Variants in MAML2 observed in about 807,000 individuals in gnomAD.
MAML2 encodes mastermind like transcriptional coactivator 2, also known as mastermind-like protein 2.
MAML2 carries 22 observed loss-of-function variants against 96.1 expected under a neutral mutation model. The ratio of observed to expected loss-of-function variants is 0.23; its 90% CI spans 0.16 to 0.33. The LOEUF is 0.33. MAML2 is among the 10% of genes least tolerant of loss of function. MAML2 has a pLI of 1.00. For missense variants in MAML2, 1,367 were observed against 1,392.4 expected, an observed-to-expected ratio of 0.98 and a Z score of 0.29; for synonymous variants, 561 against 521.3, an observed-to-expected ratio of 1.08 and a Z score of -1.04.
intron 1 of MAML2, among the ~76,000 whole-genome samples, chr11:96,259,756 C>G (rs1862722232): frequency 6.6e-6 from 1 of 152,144 alleles, no homozygotes; most frequent in African/African-American, 2.4e-5. Context: ...GTCATAAAAC[C>G]AGTTTCCTGC....
rs192831424 is a variant in MAML2 at position 96,162,640 on chromosome 11, G to T, written c.514-69123C>A. Among the ~76,000 whole-genome samples the T allele has an allele frequency of 3.1e-3, 477 of 151,464 alleles. 1 individual carries two copies. The highest frequency in any genetic ancestry group is 5.1e-3 in the Non-Finnish European group (348 of 67,888). On this transcript the variant is annotated intron_variant, in intron 1 of 4. Transcript: ENST00000524717. ...GCAGGAGAATCGCTTGAACCCGAGA[G>T]GTGGAGGTTTCGGTGAGCCGAGATT...
chr11:96,121,320 T>C (rs925493445), intron 1 of MAML2, among the ~76,000 whole-genome samples: 2 of 152,192 alleles, frequency 1.3e-5, no homozygotes, highest in South Asian at 2.1e-4. Context: ...CACTGAGATA[T>C]AGACGTTCAA....
chr11:95,994,016 C>T (rs995287944), intron 2 of MAML2, among the ~76,000 whole-genome samples: 8 of 152,196 alleles, frequency 5.3e-5, no homozygotes, highest in Admixed American at 4.6e-4. Context: ...GAAGCCAGGT[C>T]TGTCTGACCC....
chr11:96,069,412 G>A (rs1384947520), intron 2 of MAML2, among the ~76,000 whole-genome samples: 2 of 151,814 alleles, frequency 1.3e-5, no homozygotes, highest in Non-Finnish European at 2.9e-5. Context: ...GGTGGCTCAC[G>A]CCTGTAATCC....
chr11:95,998,232 A>G (rs543185029), intron 2 of MAML2, among the ~76,000 whole-genome samples: 9 of 150,682 alleles, frequency 6.0e-5, no homozygotes, highest in Non-Finnish European at 1.2e-4. Flanking sequence ...TTACCTGTCC[A>G]TTCTAGTCCA....
chr11:96,085,985 A>G (rs1859604090), intron 2 of MAML2, among the ~76,000 whole-genome samples: 1 of 152,236 alleles, frequency 6.6e-6, no homozygotes, highest in Non-Finnish European at 1.5e-5. Context: ...AGGTTAAAAA[A>G]CATGTTTAAA....
intron 1 of MAML2, among the ~76,000 whole-genome samples, chr11:96,330,670 C>T (rs1156907801): frequency 6.6e-6 from 1 of 152,234 alleles, no homozygotes; most frequent in Non-Finnish European, 1.5e-5. Context: ...CCAAGATGGC[C>T]TCACTTGTGT....
chr11:96,162,393 T>C (rs1400172021), intron 1 of MAML2, among the ~76,000 whole-genome samples: 1 of 152,044 alleles, frequency 6.6e-6, no homozygotes, highest in Non-Finnish European at 1.5e-5. Context: ...CTCCCGGAAT[T>C]GTAGTAGGTT....
chr11:96,028,168 A>C (rs535924277), intron 2 of MAML2, among the ~76,000 whole-genome samples: 1 of 152,342 alleles, frequency 6.6e-6, no homozygotes, highest in East Asian at 1.9e-4. Flanking sequence ...GGTAAGTATT[A>C]GGTACTTCAG....
At chr11:96,280,603 G>A (rs1009321938) in intron 1 of MAML2, among the ~76,000 whole-genome samples, 1 of 152,150 alleles carries the variant, frequency 6.6e-6, no homozygotes, top group Admixed American at 6.5e-5. Context: ...GTGATAGATG[G>A]TCAAGTGGGT....
intron 2 of MAML2, among the ~76,000 whole-genome samples, chr11:96,068,424 T>C (rs1859277060): frequency 2.9e-5 from 3 of 102,736 alleles, no homozygotes; most frequent in Non-Finnish European, 6.6e-5. Flanking sequence ...TAGAATTTCC[T>C]GGGGGAGCTT....
chr11:96,076,426 TCTCTCTCACACACA>T (rs1227740872), intron 2 of MAML2, among the ~76,000 whole-genome samples: 1 of 88,868 alleles, frequency 1.1e-5, no homozygotes, highest in African/African-American at 4.9e-5. Context: ...TGTCTCTCTC[TCTCTCTCACACACA>T]CACACACACA....
At position 96,284,417 on chromosome 11, in the gene MAML2, C is replaced by T. The variant is rs547004691; in HGVS notation, c.513+56966G>A. On this transcript the variant is annotated intron_variant, in intron 1 of 4. Transcript: ENST00000524717. ...TCTTCAGCCTGTTTTTCTTCTGTTGCTTTTGCTTCTTTTAATGGTTTCATC... is the reference window on the plus strand; with the variant it reads ...TCTTCAGCCTGTTTTTCTTCTGTTGTTTTTGCTTCTTTTAATGGTTTCATC... Among the ~76,000 whole-genome samples, 212 of 152,256 alleles carry T rather than the reference C, an allele frequency of 1.4e-3. 1 individual carries two copies. Among genetic ancestry groups the T allele is most frequent in the Non-Finnish European group, 1.5e-3 (104 of 68,004 alleles).
chr11:96,151,726 T>C (rs990708742), intron 1 of MAML2, among the ~76,000 whole-genome samples: 1 of 152,184 alleles, frequency 6.6e-6, no homozygotes, highest in African/African-American at 2.4e-5. Flanking sequence ...TCACCATGAA[T>C]AAAACTCCCC....
intron 1 of MAML2, among the ~76,000 whole-genome samples, chr11:96,253,760 C>T (rs150970855): frequency 1.9e-4 from 29 of 152,296 alleles, no homozygotes; most frequent in African/African-American, 6.7e-4. Context: ...GTATAATTCT[C>T]AGCCATCTGA....
At chr11:96,160,897 A>C (rs914221989) in intron 1 of MAML2, among the ~76,000 whole-genome samples, 3 of 152,222 alleles carry the variant, frequency 2.0e-5, no homozygotes, top group Non-Finnish European at 2.9e-5. Flanking sequence ...GAGAGCACAC[A>C]GTGTGGTTTG....
chr11:96,294,338 A>C (rs1863257143), intron 1 of MAML2, among the ~76,000 whole-genome samples: 1 of 152,080 alleles, frequency 6.6e-6, no homozygotes, highest in Admixed American at 6.6e-5. Context: ...AAAATTACTG[A>C]TTTTGTAAAA....
chr11:96,025,839 G>A (rs1858509115), intron 2 of MAML2, among the ~76,000 whole-genome samples: 1 of 152,104 alleles, frequency 6.6e-6, no homozygotes, highest in South Asian at 2.1e-4. Flanking sequence ...GGGATTACAG[G>A]TATAAGCCAC....
intron 1 of MAML2, among the ~76,000 whole-genome samples, chr11:96,165,798 A>T (rs7128886): frequency 6.6e-5 from 10 of 152,248 alleles, no homozygotes; most frequent in African/African-American, 2.4e-4. Context: ...TAAAAACAGC[A>T]TTACCAATTT....
Sources: gnomAD v4.1 joint callset for allele counts (sites outside exome capture counted in the v4.1 genomes callset) on GRCh38, gnomAD v4.1.1 for gene constraint, MANE v1.5 for transcripts, NCBI Gene and HGNC (gene_info 2026-07-23, HGNC 2026-07-21) for gene names.